Variants in BNC2 observed in about 807,000 individuals in gnomAD.
The protein encoded by BNC2 is basonuclin zinc finger protein 2.
A neutral mutation model predicts 76.3 loss-of-function variants in BNC2; 20 were observed. The observed-to-expected ratio is 0.26, with a 90% CI of 0.18 to 0.38. The LOEUF (loss-of-function observed/expected upper bound fraction) is 0.38, where lower values mean the gene tolerates loss of function less well. BNC2 is among the 10% of genes least tolerant of loss of function. BNC2 has a pLI of 1.00. For synonymous variants in BNC2, 582 were observed against 514.8 expected (o/e 1.13, Z -1.77); for missense variants, 1,382 against 1,399.8 (o/e 0.99, Z 0.20).
chr9:16,485,111 G>GAC (rs58432278), intron 5 of BNC2, among the ~76,000 whole-genome samples: 18,117 of 143,586 alleles, frequency 0.13, 1,477 homozygotes, highest in African/African-American at 0.24. Context: ...GACACACACA[G>GAC]ACACACACAC....
intron 3 of BNC2, among the ~76,000 whole-genome samples, chr9:16,675,817 G>T (rs937365984): frequency 6.6e-6 from 1 of 152,090 alleles, no homozygotes; most frequent in African/African-American, 2.4e-5. Flanking sequence ...GGGAAGCCGA[G>T]GCAGATCGAT....
intron 1 of BNC2, among the ~76,000 whole-genome samples, chr9:16,778,571 A>G (rs192406803): frequency 3.9e-5 from 6 of 152,340 alleles, no homozygotes; most frequent in African/African-American, 9.6e-5. Context: ...CTCTTTCACA[A>G]CAACTTGCAA....
intron 5 of BNC2, among the ~76,000 whole-genome samples, chr9:16,507,080 C>G (rs954557182): frequency 3.3e-5 from 5 of 151,978 alleles, no homozygotes; most frequent in Admixed American, 3.3e-4. Context: ...GCCCGCCTGA[C>G]CTTCTGGAAT....
intron 1 of BNC2, among the ~76,000 whole-genome samples, chr9:16,794,702 A>G (rs978955636): frequency 5.3e-5 from 8 of 152,312 alleles, no homozygotes; most frequent in Non-Finnish European, 1.0e-4. Flanking sequence ...CTTTTAAAAA[A>G]CACAATTCCT....
intron 3 of BNC2, among the ~76,000 whole-genome samples, chr9:16,694,368 A>G (rs1474389658): frequency 6.6e-6 from 1 of 152,210 alleles, no homozygotes; most frequent in Non-Finnish European, 1.5e-5. Flanking sequence ...GATTTTAAAA[A>G]AAAGTTTCAG....
intron 6 of BNC2, among the ~76,000 whole-genome samples, chr9:16,424,155 G>C (rs1820760274): frequency 6.6e-6 from 1 of 151,680 alleles, no homozygotes; most frequent in Non-Finnish European, 1.5e-5. Context: ...ATCACATTAA[G>C]TTAGATTTAA....
intron 3 of BNC2, among the ~76,000 whole-genome samples, chr9:16,684,621 T>C (rs1009499432): frequency 6.6e-6 from 1 of 152,056 alleles, no homozygotes; most frequent in Non-Finnish European, 1.5e-5. Flanking sequence ...CTCACTATGC[T>C]CATCTTATAA....
At chr9:16,482,954 T>C (rs1429179392) in intron 5 of BNC2, among the ~76,000 whole-genome samples, 2 of 152,166 alleles carry the variant, frequency 1.3e-5, no homozygotes, top group African/African-American at 4.8e-5. Flanking sequence ...TTCTGGACCA[T>C]TTAGTCTTTG....
intron 3 of BNC2, among the ~76,000 whole-genome samples, chr9:16,670,473 TCCAG>T (rs923249957): frequency 6.6e-6 from 1 of 152,130 alleles, no homozygotes; most frequent in African/African-American, 2.4e-5. Context: ...AGCCACTGTA[TCCAG>T]CCAATTTAAG....
intron 5 of BNC2, among the ~76,000 whole-genome samples, chr9:16,520,211 C>G (rs926212199): frequency 5.3e-5 from 8 of 152,190 alleles, no homozygotes; most frequent in Non-Finnish European, 1.0e-4. Flanking sequence ...TCATCTCACA[C>G]TGCTGAACAC....
chr9:16,828,972 G>T (rs1818516524), intron 1 of BNC2, among the ~76,000 whole-genome samples: 1 of 151,992 alleles, frequency 6.6e-6, no homozygotes, highest in Non-Finnish European at 1.5e-5. Context: ...GCGGGGGAGA[G>T]GCCGCATGTG....
At chr9:16,499,953 G>A (rs534371478) in intron 5 of BNC2, among the ~76,000 whole-genome samples, 1 of 151,990 alleles carries the variant, frequency 6.6e-6, no homozygotes, top group African/African-American at 2.4e-5. Flanking sequence ...CAGCTTTCTG[G>A]ATTTCATTCT....
chr9:16,864,199 G>C (rs191932843), intron 1 of BNC2, among the ~76,000 whole-genome samples: 1 of 152,210 alleles, frequency 6.6e-6, no homozygotes, highest in African/African-American at 2.4e-5. Flanking sequence ...AGGAGGAAAA[G>C]AGCAAAGGAA....
At chr9:16,870,623 G>A (rs369930617) in intron 1 of BNC2, 23 bp downstream of exon 1, 987 of 1,610,444 alleles carry the variant, frequency 6.1e-4, no homozygotes, top group Non-Finnish European at 8.1e-4. Flanking sequence ...AATAAAAGAG[G>A]AAGGAGGGTG....
intron 1 of BNC2, among the ~76,000 whole-genome samples, chr9:16,785,172 AAT>A: frequency 6.6e-6 from 1 of 152,198 alleles, no homozygotes; most frequent in Non-Finnish European, 1.5e-5. Flanking sequence ...AGGCGAGGTT[AAT>A]ATGTGTCCAC....
intron 1 of BNC2, among the ~76,000 whole-genome samples, chr9:16,779,239 G>C (rs1439443471): frequency 6.6e-6 from 1 of 150,496 alleles, no homozygotes; most frequent in Admixed American, 6.6e-5. Flanking sequence ...AGAAGGTGGA[G>C]GCTGCAGTGA....
Position 16,436,927 on chromosome 9 carries a change from A to G in BNC2, c.1267T>C (p.Ser423Pro). ...DLTKTEHPKSSFRIHRMRRMG... is the reference protein window; with the variant it reads ...DLTKTEHPKSPFRIHRMRRMG... Reference sequence around the variant, plus strand: ...CTTCTCATCCGATGAATCCGGAATGAGCTTTTTGGGTGTTCAGTTTTGGTT... The same window carrying G: ...CTTCTCATCCGATGAATCCGGAATGGGCTTTTTGGGTGTTCAGTTTTGGTT... Residue 423 changes from serine to proline, a missense_variant, in exon 6 of 7, where the codon TCA (serine) becomes CCA (proline). Physicochemically the swap from Ser to Pro is moderately conservative, Grantham distance 74. This residue lies in a region of BNC2 where 557 missense variants were observed against 540.9 expected (regional missense o/e 1.03). Transcript: ENST00000380672. The G allele has an allele frequency of 6.2e-7, 1 of 1,614,030 alleles. No individual in the cohort carries two copies. The highest frequency in any genetic ancestry group is 2.2e-5 in the East Asian group (1 of 44,862).
chr9:16,688,966 G>T (rs187263310), intron 3 of BNC2, among the ~76,000 whole-genome samples: 5 of 152,038 alleles, frequency 3.3e-5, no homozygotes, highest in African/African-American at 1.2e-4. Flanking sequence ...AGAAACAAAA[G>T]ATATGACAAG....
intron 2 of BNC2, among the ~76,000 whole-genome samples, chr9:16,737,023 C>G (rs1824692198): frequency 1.3e-5 from 2 of 151,512 alleles, no homozygotes. Flanking sequence ...TCAGACTGGT[C>G]TCGAACTCCC....
Sources: allele counts gnomAD v4.1 joint callset (sites outside exome capture counted in the v4.1 genomes callset), GRCh38; gene constraint gnomAD v4.1.1; regional missense constraint gnomAD v4.1.1; transcripts MANE v1.5; gene names NCBI Gene and HGNC (gene_info 2026-07-23, HGNC 2026-07-21).